The following TNNC1 variants were observed in gnomAD, a reference collection of about 807,000 sequenced individuals.
TNNC1 encodes troponin C, slow skeletal and cardiac muscles.
In TNNC1, 10 loss-of-function variants were observed where a neutral mutation model predicts 19.6. The observed-to-expected ratio is 0.51, with a 90% CI of 0.31 to 0.87. The LOEUF (loss-of-function observed/expected upper bound fraction) is 0.87, where lower values mean the gene tolerates loss of function less well. Among genes scored for constraint, TNNC1 ranks in the 40% least tolerant of loss-of-function variants. The pLI is 0.04. For synonymous variants in TNNC1, 85 were observed against 80.1 expected (o/e 1.06, Z -0.33); for missense variants, 115 against 219.8 (o/e 0.52, Z 3.02).
Position 52,452,788 on chromosome 3 carries a change from T to C in TNNC1, c.25-275A>G. On this transcript the variant is annotated intron_variant, in intron 1 of 5. Transcript: ENST00000232975. This position sits in a 1 kb window ranked among gnomAD's most constrained non-coding sequence, Gnocchi z 5.2. Reference sequence around the variant, plus strand: ...AATAGTCAGTGACCACTCAATGCCCTTTCGGCCCCTGATGAAACTCAAGCT... The same window carrying C: ...AATAGTCAGTGACCACTCAATGCCCCTTCGGCCCCTGATGAAACTCAAGCT... 1.8e-6 allele frequency: 1 copy of C among 541,164 alleles called. No individual in the cohort carries two copies. The highest frequency in any genetic ancestry group is 3.3e-6 in the Non-Finnish European group (1 of 300,036). The allele number at this position is 541,164 out of a possible 1,614,324, so 33.5% of individuals were successfully genotyped here.
rs765114743 is a variant in TNNC1, at chr3:52,452,103, C to T, written c.202+3G>A. On this transcript the variant is annotated splice_donor_region_variant and intron_variant, in intron 3 of 5. Transcript: ENST00000232975. This position sits in a 1 kb window ranked among gnomAD's most constrained non-coding sequence, Gnocchi z 5.2. ...TCTGGAGCCTGGGGAGGAGGGGGCT[C>T]ACCGTCCTCGTCCACCTCATCGATC... The T allele has an allele frequency of 6.2e-7, 1 of 1,613,864 alleles. No homozygotes were observed. Among genetic ancestry groups the T allele is most frequent in the South Asian group, 1.1e-5 (1 of 91,088 alleles).
At chr3:52,453,717 C>T (rs937249532) in intron 1 of TNNC1, among the ~76,000 whole-genome samples, 3 of 152,172 alleles carry the variant, frequency 2.0e-5, no homozygotes, top group African/African-American at 4.8e-5. Context: ...TGTGGCTGAG[C>T]GACAGTGCCA....
chr3:52,451,419 C>G lies in TNNC1; in HGVS notation c.426G>C (p.Lys142Asn), dbSNP rs756513152. The G allele has an allele frequency of 6.2e-7, 1 of 1,614,190 alleles. No homozygotes were observed. Among genetic ancestry groups the G allele is most frequent in the Non-Finnish European group, 8.5e-7 (1 of 1,180,020 alleles). Residue 142 changes from lysine (K) to asparagine (N), a missense_variant, in exon 5 of 6, where the codon AAG (lysine) becomes AAC (asparagine). Transcript: ENST00000232975. The surrounding 1 kb of genome is among the most constrained non-coding windows in gnomAD (Gnocchi z 4.8). ...DIEELMKDGDKNNDGRIDYDE... is the reference protein window; with the variant it reads ...DIEELMKDGDNNNDGRIDYDE... ...CATAGTCGATGCGGCCGTCGTTGTT[C>G]TTGTCTCCGTCCTTCATGAGCTCCT...
chr3:52,451,101 T>A lies in TNNC1; in HGVS notation c.*174A>T. ...GACACCAGAGCCAGATAGCAGACCT[T>A]GGGAGAGCAGGCTTTATTTGCATCC... On this transcript the variant is annotated 3_prime_UTR_variant, in exon 6 of 6. Transcript: ENST00000232975. This position sits in a 1 kb window ranked among gnomAD's most constrained non-coding sequence, Gnocchi z 4.8. 1 of 781,312 alleles carries A rather than the reference T, an allele frequency of 1.3e-6. No homozygotes were observed. Among genetic ancestry groups the A allele is most frequent in the Non-Finnish European group, 2.2e-6 (1 of 460,640 alleles). The allele number at this position is 781,312 out of a possible 1,614,324, so 48.4% of individuals were successfully genotyped here. A position where few individuals can be genotyped will look rare whatever the true frequency, so the allele number is the denominator to read the frequency against.
In TNNC1 at chr3:52,453,993, G is replaced by T; in HGVS notation, c.23C>A (p.Ala8Glu). Residue 8 changes from alanine to glutamate, a missense_variant and splice_region_variant, in exon 1 of 6, where the codon GCG (alanine) becomes GAG (glutamate). Around this residue, in one of 2 missense-constraint regions of TNNC1, gnomAD observed 19 missense variants for 105.6 expected, o/e 0.18. Transcript: ENST00000232975. ...GCCCTACCCAGCCCTGTCCCTCACC[G>T]CAGCCTTGTAGATGTCATCCATGCT... The part of the protein sequence containing the change: MDDIYKA[A>E]VEQLTEEQKN... 6.3e-7 allele frequency: 1 copy of T among 1,585,718 alleles called. No homozygotes were observed. The highest frequency in any genetic ancestry group is 8.6e-7 in the Non-Finnish European group (1 of 1,164,548).
At position 52,451,932 on chromosome 3, in the gene TNNC1, A is replaced by C; in HGVS notation, c.203-74T>G. The C allele has an allele frequency of 6.5e-7, 1 of 1,540,696 alleles. No homozygotes were observed. Among genetic ancestry groups the C allele is most frequent in the Non-Finnish European group, 9.0e-7 (1 of 1,115,518 alleles). ...GGCAGCACCTTCGACACGAACCCCC[A>C]TGTTCTCACCGCATCCTCACACCAA... On this transcript the variant is annotated intron_variant, in intron 3 of 5. Coordinates refer to ENST00000232975, the MANE Select transcript of TNNC1 (RefSeq NM_003280.3). This position sits in a 1 kb window ranked among gnomAD's most constrained non-coding sequence, Gnocchi z 4.8.
In TNNC1 at chr3:52,452,035, C is replaced by A. The variant is rs1316792392; in HGVS notation, c.202+71G>T. On this transcript the variant is annotated intron_variant, in intron 3 of 5. Transcript: ENST00000232975. The surrounding 1 kb of genome is among the most constrained non-coding windows in gnomAD (Gnocchi z 5.2). ...CTCGGATAGGCTAAATTGCTCCCAGCTAAACAGAGCCAGCATTCCAGCCCC... is the reference window on the plus strand; with the variant it reads ...CTCGGATAGGCTAAATTGCTCCCAGATAAACAGAGCCAGCATTCCAGCCCC... 1.2e-6 allele frequency: 2 copies of A among 1,611,460 alleles called. No homozygotes were observed. The highest frequency in any genetic ancestry group is 1.3e-5 in the African/African-American group (1 of 74,878).
chr3:52,451,997 G>A lies in TNNC1; in HGVS notation c.202+109C>T. 1.3e-6 allele frequency: 2 copies of A among 1,578,204 alleles called. No individual in the cohort carries two copies. The highest frequency in any genetic ancestry group is 2.2e-5 in the South Asian group (2 of 90,352). On this transcript the variant is annotated intron_variant, in intron 3 of 5. Coordinates refer to ENST00000232975, the MANE Select transcript of TNNC1 (RefSeq NM_003280.3). The surrounding 1 kb of genome is among the most constrained non-coding windows in gnomAD (Gnocchi z 4.8). Reference sequence around the variant, plus strand: ...TAGCCCTTATGCCCATTTTATAGATGAGGCAACCAAGGCTCGGATAGGCTA... The same window carrying A: ...TAGCCCTTATGCCCATTTTATAGATAAGGCAACCAAGGCTCGGATAGGCTA...
rs1706365454 is a variant in TNNC1 at position 52,453,847 on chromosome 3, T to C, written c.24+145A>G. On this transcript the variant is annotated intron_variant, in intron 1 of 5. Transcript: ENST00000232975. ...CTGCATCCTCAAACACCAGAATCAC[T>C]GTCCCTGTGAGGGCCTGGGTTGAAG... 4 of 939,928 alleles carry C rather than the reference T, an allele frequency of 4.3e-6. No individual in the cohort carries two copies. In the Admixed American group the frequency reaches 6.4e-5, roughly 15 times the overall value. 58.2% of individuals were successfully genotyped at this position (939,928 alleles called of 1,614,324 possible). A position where few individuals can be genotyped will look rare whatever the true frequency, so the allele number is the denominator to read the frequency against.
rs750085239 is a variant in TNNC1, at chr3:52,451,745, T to G, written c.316A>C (p.Lys106Gln). 1 of 1,613,976 alleles carries G rather than the reference T, an allele frequency of 6.2e-7. No individual in the cohort carries two copies. Among genetic ancestry groups the G allele is most frequent in the East Asian group, 2.2e-5 (1 of 44,874 alleles). Reference protein sequence around the residue: ...ELSDLFRMFDKNADGYIDLDE... With the variant: ...ELSDLFRMFDQNADGYIDLDE... ...AGAGGTCAAGGGTCACGTGCTCACT[T>G]GTCAAACATGCGGAAGAGGTCAGAC... The change falls in exon 4 of 6, where the codon AAA becomes CAA. Residue 106 changes from lysine (K) to glutamine (Q), a missense_variant and splice_region_variant. This residue lies in a region of TNNC1 where 96 missense variants were observed against 114.2 expected (regional missense o/e 0.84). Coordinates refer to ENST00000232975, the MANE Select transcript of TNNC1 (RefSeq NM_003280.3). The surrounding 1 kb of genome is among the most constrained non-coding windows in gnomAD (Gnocchi z 4.8).
chr3:52,451,452 G>C lies in TNNC1; in HGVS notation c.393C>G (p.Asp131Glu), dbSNP rs147821122. Residue 131 changes from aspartate to glutamate, a missense_variant, in exon 5 of 6, where the codon GAC becomes GAG. By Grantham distance (45) the Asp-to-Glu change is conservative (BLOSUM62 2). Coordinates refer to ENST00000232975, the MANE Select transcript of TNNC1 (RefSeq NM_003280.3). This position sits in a 1 kb window ranked among gnomAD's most constrained non-coding sequence, Gnocchi z 4.8. ...LQATGETITE[D>E]DIEELMKDGD... ...CGTCCTTCATGAGCTCCTCGATGTC[G>C]TCCTCCGTGATGGTCTCGCCTGTAG... The C allele has an allele frequency of 7.4e-6, 12 of 1,614,110 alleles. No individual in the cohort carries two copies. Among genetic ancestry groups the C allele is most frequent in the Non-Finnish European group, 1.0e-5 (12 of 1,180,008 alleles).
Position 52,451,569 on chromosome 3 carries a change from G to A in TNNC1, c.318-42C>T, listed in dbSNP as rs779067190. 2.9e-5 allele frequency: 46 copies of A among 1,612,848 alleles called. No homozygotes were observed. The highest frequency in any genetic ancestry group is 1.3e-5 in the African/African-American group (1 of 74,976). ...CAGGGTAGGGCTGTGGGGAGGGCAT[G>A]AGGCAGCCCCACCCATGCCCCAGGA... On this transcript the variant is annotated intron_variant, in intron 4 of 5. Transcript: ENST00000232975. This position sits in a 1 kb window ranked among gnomAD's most constrained non-coding sequence, Gnocchi z 4.8.
chr3:52,451,384 C>A lies in TNNC1; in HGVS notation c.454+7G>T. Reference sequence around the variant, plus strand: ...GAGGCAGGAGATCAGCCCACCCACCCGCTTACCATCATAGTCGATGCGGCC... The same window carrying A: ...GAGGCAGGAGATCAGCCCACCCACCAGCTTACCATCATAGTCGATGCGGCC... On this transcript the variant is annotated splice_region_variant and intron_variant, in intron 5 of 5. Transcript: ENST00000232975. The surrounding 1 kb of genome is among the most constrained non-coding windows in gnomAD (Gnocchi z 4.8). 1.2e-6 allele frequency: 2 copies of A among 1,614,094 alleles called. No individual in the cohort carries two copies. Among genetic ancestry groups the A allele is most frequent in the Non-Finnish European group, 1.7e-6 (2 of 1,179,998 alleles).
In TNNC1 at chr3:52,451,305, C is replaced by T. The variant is rs568828576; in HGVS notation, c.456G>A (p.Glu152=). The change falls in exon 6 of 6, where the codon GAG becomes GAA. Residue 152 remains glutamate, a splice_region_variant and synonymous_variant. Transcript: ENST00000232975. The surrounding 1 kb of genome is among the most constrained non-coding windows in gnomAD (Gnocchi z 4.8). ...KNNDGRIDYD[E]FLEFMKGVE ...CCACACCCTTCATGAACTCCAGGAA[C>T]TCTGTGGAAAGAGGGGCAGGTGTGG... 19 of 1,614,066 alleles carry T rather than the reference C, an allele frequency of 1.2e-5. No homozygotes were observed. The African/African-American group carries it at 1.7e-4, about 15-fold the overall frequency.
chr3:52,453,497 A>G (rs1350376133), intron 1 of TNNC1, among the ~76,000 whole-genome samples: 1 of 151,254 alleles, frequency 6.6e-6, no homozygotes, highest in African/African-American at 2.4e-5. Context: ...GGCTCTACAG[A>G]CCCCTCCTCT....
chr3:52,453,951 T>C (rs1441470238), intron 1 of TNNC1, 41 bp downstream of exon 1: 6 of 1,574,144 alleles, frequency 3.8e-6, no homozygotes, highest in Non-Finnish European at 5.2e-6. Flanking sequence ...GAGCCCCCAG[T>C]GGGCCTGCCC....
At position 52,453,981 on chromosome 3, in the gene TNNC1, C is replaced by G; in HGVS notation, c.24+11G>C. Reference sequence around the variant, plus strand: ...CTGCCCACCCCAGCCCTACCCAGCCCTGTCCCTCACCGCAGCCTTGTAGAT... The same window carrying G: ...CTGCCCACCCCAGCCCTACCCAGCCGTGTCCCTCACCGCAGCCTTGTAGAT... On this transcript the variant is annotated intron_variant, in intron 1 of 5. Coordinates refer to ENST00000232975, the MANE Select transcript of TNNC1 (RefSeq NM_003280.3). The G allele has an allele frequency of 1.0e-5, 16 of 1,585,378 alleles. No homozygotes were observed. The highest frequency in any genetic ancestry group is 1.4e-5 in the Non-Finnish European group (16 of 1,164,358).
At chr3:52,453,229 TG>T (rs1200438053) in intron 1 of TNNC1, among the ~76,000 whole-genome samples, 1 of 152,158 alleles carries the variant, frequency 6.6e-6, no homozygotes, top group Non-Finnish European at 1.5e-5. Context: ...GCTCTGGGGT[TG>T]GGGGAGGTCA....
Position 52,451,135 on chromosome 3 carries a change from A to G in TNNC1, c.*140T>C, listed in dbSNP as rs923155773. 1.0e-6 allele frequency: 1 copy of G among 966,886 alleles called. No homozygotes were observed. Among genetic ancestry groups the G allele is most frequent in the African/African-American group, 1.6e-5 (1 of 61,774 alleles). 59.9% of individuals were successfully genotyped at this position (966,886 alleles called of 1,614,324 possible). A position where few individuals can be genotyped will look rare whatever the true frequency, so the allele number is the denominator to read the frequency against. On this transcript the variant is annotated 3_prime_UTR_variant, in exon 6 of 6. Transcript: ENST00000232975. The surrounding 1 kb of genome is among the most constrained non-coding windows in gnomAD (Gnocchi z 4.8). ...AGGCTTTATTTGCATCCCCCAGGACAGATCTGGGGAGGGAGTCGGGGGATT... is the reference window on the plus strand; with the variant it reads ...AGGCTTTATTTGCATCCCCCAGGACGGATCTGGGGAGGGAGTCGGGGGATT...
Sources: allele counts gnomAD v4.1 joint callset (sites outside exome capture counted in the v4.1 genomes callset), GRCh38; gene constraint gnomAD v4.1.1; regional missense constraint gnomAD v4.1.1; non-coding constraint Gnocchi (gnomAD v3.1); transcripts MANE v1.5; gene names NCBI Gene and HGNC (gene_info 2026-07-23, HGNC 2026-07-21).